Variants in COMMD1 observed in about 807,000 individuals in gnomAD.
COMMD1 encodes COMM domain-containing protein 1.
Under a neutral mutation model 17.2 loss-of-function variants are expected in COMMD1, and 10 were observed. That is an observed-to-expected ratio of 0.58 (90% CI 0.36 to 0.99). The LOEUF (loss-of-function observed/expected upper bound fraction) is 0.99. COMMD1 is among the 50% of genes least tolerant of loss of function. The pLI is 0.01. For synonymous variants in COMMD1, 97 were observed against 91.6 expected, an observed-to-expected ratio of 1.06 and a Z score of -0.34; for missense variants, 270 against 231.8, an observed-to-expected ratio of 1.17 and a Z score of -1.07.
chr2:62,130,436 T>C (rs1673000144), intron 2 of COMMD1, among the ~76,000 whole-genome samples: 1 of 152,086 alleles, frequency 6.6e-6, no homozygotes, highest in Non-Finnish European at 1.5e-5. Flanking sequence ...CTATGTGGCC[T>C]TTTTGAATCA....
At chr2:62,128,718 C>T (rs766977121) in intron 2 of COMMD1, among the ~76,000 whole-genome samples, 10 of 151,878 alleles carry the variant, frequency 6.6e-5, no homozygotes, top group African/African-American at 9.7e-5. Context: ...TTTGGGAGGC[C>T]GAGGCAGGTG....
intron 1 of COMMD1, among the ~76,000 whole-genome samples, chr2:61,997,057 C>CTT (rs776532911): frequency 4.9e-5 from 7 of 141,742 alleles, no homozygotes; most frequent in African/African-American, 5.2e-5. Flanking sequence ...GTATTTCTTT[C>CTT]TTTTTTTTTT....
chr2:62,056,275 C>T (rs886183655), intron 2 of COMMD1, among the ~76,000 whole-genome samples: 1 of 152,174 alleles, frequency 6.6e-6, no homozygotes, highest in Non-Finnish European at 1.5e-5. Context: ...CATGCTTTTA[C>T]ATGTTCACAC....
chr2:61,948,370 T>C (rs928879312), intron 1 of COMMD1, among the ~76,000 whole-genome samples: 18 of 152,242 alleles, frequency 1.2e-4, no homozygotes, highest in Admixed American at 7.9e-4. Context: ...AAGTTAGTTT[T>C]CTATATTTTT....
At chr2:62,061,533 G>A (rs1224947012) in intron 2 of COMMD1, among the ~76,000 whole-genome samples, 1 of 150,678 alleles carries the variant, frequency 6.6e-6, no homozygotes, top group Non-Finnish European at 1.5e-5. Flanking sequence ...GGGTTTATGT[G>A]TGGCTGTCTT....
At chr2:62,044,796 A>G (rs1670334605) in intron 2 of COMMD1, among the ~76,000 whole-genome samples, 1 of 150,938 alleles carries the variant, frequency 6.6e-6, no homozygotes, top group African/African-American at 2.4e-5. Flanking sequence ...TGAGATTCTG[A>G]TCATTTGTAT....
intron 1 of COMMD1, among the ~76,000 whole-genome samples, chr2:61,949,688 A>T (rs1046924017): frequency 2.0e-5 from 3 of 152,168 alleles, no homozygotes; most frequent in Non-Finnish European, 4.4e-5. Flanking sequence ...GTTTGTGAAA[A>T]CTTGTGTCCG....
intron 2 of COMMD1, chr2:62,090,949 C>G (rs759349127): frequency 1.3e-5 from 2 of 152,200 alleles, no homozygotes; most frequent in Non-Finnish European, 2.9e-5. Flanking sequence ...AACTTCGGTG[C>G]CTGTGCTCTG....
intron 1 of COMMD1, among the ~76,000 whole-genome samples, chr2:61,954,874 C>T (rs535660865): frequency 2.0e-5 from 3 of 152,184 alleles, no homozygotes; most frequent in South Asian, 2.1e-4. Flanking sequence ...GGGGTTTCAC[C>T]GTGTTGCCCA....
chr2:61,973,158 T>A (rs1438694010), intron 1 of COMMD1, among the ~76,000 whole-genome samples: 1 of 152,208 alleles, frequency 6.6e-6, no homozygotes, highest in African/African-American at 2.4e-5. Context: ...ACTTTTTTAT[T>A]TCAGACATTT....
rs571107906 is a variant in COMMD1, at chr2:61,946,876, C to T, written c.180+41018C>T. On this transcript the variant is annotated intron_variant, in intron 1 of 2. Coordinates refer to ENST00000311832, the MANE Select transcript of COMMD1 (RefSeq NM_152516.4). ...ACAACCTCTTAAACAACTACAAAAA[C>T]ATATTTTGCATTCCTTGGATACTTT... 1.6e-4 allele frequency among the ~76,000 whole-genome samples: 24 copies of T among 152,270 alleles called. No homozygotes were observed. In the East Asian group the frequency reaches 4.6e-3, roughly 29 times the overall value.
chr2:62,031,819 G>A (rs1473741413), intron 2 of COMMD1, among the ~76,000 whole-genome samples: 1 of 152,188 alleles, frequency 6.6e-6, no homozygotes, highest in Non-Finnish European at 1.5e-5. Context: ...AGGCTTGTGT[G>A]GTGGGATTCC....
chr2:61,935,772 T>A (rs1670592629), intron 1 of COMMD1, among the ~76,000 whole-genome samples: 1 of 152,200 alleles, frequency 6.6e-6, no homozygotes, highest in South Asian at 2.1e-4. Flanking sequence ...ATCATTTATA[T>A]AAGTGCAGCA....
intron 2 of COMMD1, among the ~76,000 whole-genome samples, chr2:62,006,621 GA>G (rs1189518301): frequency 6.6e-6 from 1 of 152,112 alleles, no homozygotes; most frequent in Non-Finnish European, 1.5e-5. Flanking sequence ...GCTTTAAGGT[GA>G]ATATTTTATA....
chr2:62,010,138 TATA>T (rs1453077879), intron 2 of COMMD1, among the ~76,000 whole-genome samples: 4 of 152,320 alleles, frequency 2.6e-5, no homozygotes, highest in South Asian at 4.1e-4. Flanking sequence ...TTAAAATTTA[TATA>T]ATGTTTTTGC....
rs1673185288 is a variant in COMMD1, at chr2:62,136,003, AC to A, written c.*64del. The A allele has an allele frequency of 1.2e-6, 1 of 854,914 alleles. No homozygotes were observed. Among genetic ancestry groups the A allele is most frequent in the African/African-American group, 1.7e-5 (1 of 60,478 alleles). 53.0% of individuals were successfully genotyped at this position (854,914 alleles called of 1,614,324 possible). ...AGGTGTCCATGATCCCTCCCCACTG[AC>A]CTTTTCTAAGAAAATTCTTGTGCCC... On this transcript the variant is annotated 3_prime_UTR_variant, in exon 3 of 3. Transcript: ENST00000311832.
intron 2 of COMMD1, among the ~76,000 whole-genome samples, chr2:62,042,254 T>G (rs1200093311): frequency 6.6e-6 from 1 of 152,188 alleles, no homozygotes; most frequent in African/African-American, 2.4e-5. Flanking sequence ...AGAGTGCTGA[T>G]TGGTGCATTT....
intron 2 of COMMD1, among the ~76,000 whole-genome samples, chr2:62,041,515 C>T (rs1573104733): frequency 1.3e-5 from 2 of 152,148 alleles, no homozygotes; most frequent in African/African-American, 4.8e-5. Context: ...AAGCAATCCT[C>T]CTACCTTAGC....
At chr2:62,012,586 G>A (rs1395592388) in intron 2 of COMMD1, among the ~76,000 whole-genome samples, 5 of 151,924 alleles carry the variant, frequency 3.3e-5, no homozygotes, top group African/African-American at 1.2e-4. Flanking sequence ...CCAAAGTGCT[G>A]GGATTACAGG....
Sources: allele counts gnomAD v4.1 joint callset (sites outside exome capture counted in the v4.1 genomes callset), GRCh38; gene constraint gnomAD v4.1.1; transcripts MANE v1.5; gene names NCBI Gene and HGNC (gene_info 2026-07-23, HGNC 2026-07-21).